The following DYM variants were observed in gnomAD, a reference collection of about 807,000 sequenced individuals.
The protein encoded by DYM is dymeclin, also known as dyggve-Melchior-Clausen syndrome protein.
Under a neutral mutation model 93.1 loss-of-function variants are expected in DYM, and 78 were observed. That is an observed-to-expected ratio of 0.84 (90% confidence interval 0.70 to 1.01). DYM has a LOEUF of 1.01. Among genes scored for constraint, DYM ranks in the 50% least tolerant of loss-of-function variants. The pLI, the probability that DYM is intolerant of heterozygous loss-of-function variation, is 0.00. For missense variants in DYM, 789 were observed against 845.0 expected, an observed-to-expected ratio of 0.93 and a Z score of 0.82; for synonymous variants, 321 against 319.7, an observed-to-expected ratio of 1.00 and a Z score of -0.04.
In DYM at chr18:49,117,234, T is replaced by C. The variant is rs548407004; in HGVS notation, c.1911+1510A>G. 5.3e-5 allele frequency among the ~76,000 whole-genome samples: 8 copies of C among 152,340 alleles called. 1 individual carries two copies. The East Asian group carries it at 1.5e-3, about 29-fold the overall frequency. On this transcript the variant is annotated intron_variant, in intron 16 of 17. Transcript: ENST00000675505. ...ACAAGAGTGTCCATGGCAAAATATT[T>C]TGCTATAGCTGCAACCGTTAGGTAT...
intron 2 of DYM, among the ~76,000 whole-genome samples, chr18:49,419,322 G>A (rs1452462051): frequency 6.6e-6 from 1 of 151,902 alleles, no homozygotes; most frequent in Non-Finnish European, 1.5e-5. Flanking sequence ...TTGCACCACT[G>A]CACTCCAGCC....
At chr18:49,088,973 G>A (rs1014101669) in intron 17 of DYM, among the ~76,000 whole-genome samples, 3 of 152,028 alleles carry the variant, frequency 2.0e-5, no homozygotes, top group African/African-American at 2.4e-5. Flanking sequence ...TTAGGGGGGC[G>A]TTTTAGTAGA....
At chr18:49,166,295 A>T (rs1271918226) in intron 14 of DYM, among the ~76,000 whole-genome samples, 1 of 152,188 alleles carries the variant, frequency 6.6e-6, no homozygotes, top group African/African-American at 2.4e-5. Flanking sequence ...TGTCTATCTA[A>T]CAATATATTC....
At chr18:49,248,336 T>C (rs926894511) in intron 13 of DYM, among the ~76,000 whole-genome samples, 1 of 152,232 alleles carries the variant, frequency 6.6e-6, no homozygotes, top group African/African-American at 2.4e-5. Context: ...TTTGTAGAGA[T>C]GTTATCCAGA....
chr18:49,097,336 T>C (rs548263795), intron 17 of DYM, 66 bp downstream of exon 17: 27 of 1,436,872 alleles, frequency 1.9e-5, no homozygotes, highest in Non-Finnish European at 2.4e-5. Context: ...TAGGGTCTGC[T>C]AAGACACTAA....
chr18:49,129,017 A>G (rs780697495), intron 15 of DYM, among the ~76,000 whole-genome samples: 2 of 152,116 alleles, frequency 1.3e-5, no homozygotes, highest in African/African-American at 4.8e-5. Flanking sequence ...TCAGAGACCT[A>G]TGACGCTTGA....
intron 17 of DYM, among the ~76,000 whole-genome samples, chr18:49,070,885 A>G (rs778041940): frequency 3.3e-5 from 5 of 152,348 alleles, no homozygotes; most frequent in Admixed American, 6.5e-5. Context: ...AATAAATATA[A>G]TGATCAAGAG....
intron 2 of DYM, among the ~76,000 whole-genome samples, chr18:49,394,013 T>C (rs8099330): frequency 0.2 from 30,215 of 152,138 alleles, 3,065 homozygotes; most frequent in African/African-American, 0.25. Flanking sequence ...TTAGTCAGTA[T>C]AGAGTTTCAG....
chr18:49,182,390 T>C (rs898092241), intron 14 of DYM, among the ~76,000 whole-genome samples: 3 of 152,242 alleles, frequency 2.0e-5, no homozygotes, highest in Admixed American at 6.5e-5. Context: ...CAAAGATATA[T>C]TGAAAGCTCC....
intron 15 of DYM, among the ~76,000 whole-genome samples, chr18:49,140,162 A>C (rs536177414): frequency 2.6e-5 from 4 of 152,294 alleles, no homozygotes; most frequent in African/African-American, 4.8e-5. Context: ...TAAAACATTA[A>C]AAAGAAAAAA....
At chr18:49,183,520 G>A (rs1042468418) in intron 14 of DYM, among the ~76,000 whole-genome samples, 6 of 151,870 alleles carry the variant, frequency 4.0e-5, no homozygotes, top group Non-Finnish European at 7.4e-5. Context: ...GGCAATTTTC[G>A]ATTCACCCTT....
At chr18:49,316,190 G>A (rs898252921) in intron 8 of DYM, among the ~76,000 whole-genome samples, 3 of 152,146 alleles carry the variant, frequency 2.0e-5, no homozygotes, top group African/African-American at 7.2e-5. Flanking sequence ...GCTGTGACAG[G>A]AGAATCGCTT....
chr18:49,163,991 A>G (rs775480631), intron 14 of DYM, among the ~76,000 whole-genome samples: 1 of 152,158 alleles, frequency 6.6e-6, no homozygotes, highest in Non-Finnish European at 1.5e-5. Context: ...AATCATAAGA[A>G]TTCTAAAAAA....
intron 2 of DYM, among the ~76,000 whole-genome samples, chr18:49,409,767 T>C (rs1245753407): frequency 6.6e-6 from 1 of 152,204 alleles, no homozygotes; most frequent in Non-Finnish European, 1.5e-5. Context: ...CTGATAATTG[T>C]CACATATGAA....
At chr18:49,176,574 CTTT>C (rs36121103) in intron 14 of DYM, among the ~76,000 whole-genome samples, 2 of 99,420 alleles carry the variant, frequency 2.0e-5, no homozygotes, top group African/African-American at 4.2e-5. Flanking sequence ...CCAAGCCTGG[CTTT>C]TTTTTTTTTT....
At chr18:49,246,851 G>A (rs932062212) in intron 13 of DYM, among the ~76,000 whole-genome samples, 4 of 152,178 alleles carry the variant, frequency 2.6e-5, no homozygotes, top group Non-Finnish European at 5.9e-5. Context: ...ATAAAACCTA[G>A]AGCAGTATCA....
rs1409913754 is a variant in DYM, at chr18:49,286,618, T to A, written c.764-2A>T. ...GTGTGAAGACAGTCCAGAGTCCTGC[T>A]GGGGAGGAAAACACCCTGTTAGGAT... On this transcript the variant is annotated splice_acceptor_variant, in intron 8 of 17. Transcript: ENST00000675505. LOFTEE classifies it high-confidence loss of function. The A allele has an allele frequency of 1.2e-6, 2 of 1,613,526 alleles. No homozygotes were observed. The highest frequency in any genetic ancestry group is 1.7e-6 in the Non-Finnish European group (2 of 1,179,904).
intron 6 of DYM, among the ~76,000 whole-genome samples, chr18:49,343,804 A>T (rs1388148229): frequency 6.6e-6 from 1 of 152,170 alleles, no homozygotes; most frequent in East Asian, 1.9e-4. Context: ...TTTATGATTT[A>T]ACACTCTGCA....
At chr18:49,062,916 G>A (rs1184275966) in intron 17 of DYM, among the ~76,000 whole-genome samples, 2 of 152,176 alleles carry the variant, frequency 1.3e-5, no homozygotes, top group East Asian at 3.9e-4. Context: ...TAATCCACCT[G>A]GAAAGCCAAT....
Sources: gnomAD v4.1 joint callset for allele counts (sites outside exome capture counted in the v4.1 genomes callset) on GRCh38, gnomAD v4.1.1 for gene constraint, MANE v1.5 for transcripts, NCBI Gene and HGNC (gene_info 2026-07-23, HGNC 2026-07-21) for gene names.